The following PPP3CA variants were observed in gnomAD, a reference collection of about 807,000 sequenced individuals.
PPP3CA encodes protein phosphatase 3 catalytic subunit alpha, also known as CAM-PRP catalytic subunit.
A neutral mutation model predicts 66.5 loss-of-function variants in PPP3CA; 14 were observed. The observed-to-expected ratio is 0.21, with a 90% CI of 0.14 to 0.33. PPP3CA has a LOEUF of 0.33. PPP3CA is among the 10% of genes least tolerant of loss of function. The pLI, the probability that PPP3CA is intolerant of heterozygous loss-of-function variation, is 1.00. For missense variants in PPP3CA, 317 were observed against 639.5 expected, an observed-to-expected ratio of 0.50 and a Z score of 5.44; for synonymous variants, 232 against 226.2, an observed-to-expected ratio of 1.03 and a Z score of -0.23.
rs372538689 is a variant in PPP3CA, at chr4:101,032,435, G to GA, written c.1242-72dup. The GA allele has an allele frequency of 5.1e-4, 668 of 1,305,294 alleles. 4 individuals are homozygous for GA. In the African/African-American group the frequency reaches 7.4e-3, roughly 14 times the overall value. 80.9% of individuals were successfully genotyped at this position (1,305,294 alleles called of 1,614,324 possible). A position where few individuals can be genotyped will look rare whatever the true frequency, so the allele number is the denominator to read the frequency against. On this transcript the variant is annotated intron_variant, in intron 11 of 13. Coordinates refer to ENST00000394854, the MANE Select transcript of PPP3CA (RefSeq NM_000944.5). ...TGAAAAAGAAAGAAATGACTGAAAG[G>GA]AAAAAAAATGCATATAAGCACCCAC...
intron 1 of PPP3CA, among the ~76,000 whole-genome samples, chr4:101,209,277 A>G (rs1450859370): frequency 6.6e-6 from 1 of 152,192 alleles, no homozygotes; most frequent in Non-Finnish European, 1.5e-5. Flanking sequence ...GCCAAGTTAC[A>G]TTGCATTTTT....
At chr4:101,183,039 GA>G (rs1724293160) in intron 2 of PPP3CA, among the ~76,000 whole-genome samples, 1 of 152,052 alleles carries the variant, frequency 6.6e-6, no homozygotes, top group African/African-American at 2.4e-5. Context: ...TTAGCAGCAT[GA>G]AAACAAACTA....
intron 1 of PPP3CA, among the ~76,000 whole-genome samples, chr4:101,250,874 CAAAT>C (rs1166156426): frequency 6.6e-6 from 1 of 151,830 alleles, no homozygotes; most frequent in Admixed American, 6.6e-5. Flanking sequence ...ATTTTAAAGA[CAAAT>C]AAACGATCTC....
chr4:101,329,992 T>C (rs1360412255), intron 1 of PPP3CA, among the ~76,000 whole-genome samples: 2 of 152,174 alleles, frequency 1.3e-5, no homozygotes, highest in Non-Finnish European at 2.9e-5. Flanking sequence ...TTTCAAATTG[T>C]ACTATTTAAG....
At chr4:101,121,854 T>A (rs527385377) in intron 2 of PPP3CA, among the ~76,000 whole-genome samples, 1 of 152,230 alleles carries the variant, frequency 6.6e-6, no homozygotes, top group Admixed American at 6.5e-5. Context: ...AGATGGGGCC[T>A]CCAGCTAGTT....
At chr4:101,318,805 A>T (rs1728954971) in intron 1 of PPP3CA, among the ~76,000 whole-genome samples, 1 of 152,012 alleles carries the variant, frequency 6.6e-6, no homozygotes, top group East Asian at 1.9e-4. Flanking sequence ...TGAACATTAA[A>T]CTCGCTATCA....
chr4:101,305,426 C>A (rs919022067), intron 1 of PPP3CA, among the ~76,000 whole-genome samples: 1 of 152,118 alleles, frequency 6.6e-6, no homozygotes, highest in Non-Finnish European at 1.5e-5. Flanking sequence ...AATGTCTTTA[C>A]AGAATTGTAT....
intron 1 of PPP3CA, among the ~76,000 whole-genome samples, chr4:101,257,213 G>T (rs1247147559): frequency 6.6e-6 from 1 of 151,816 alleles, no homozygotes; most frequent in Admixed American, 6.6e-5. Flanking sequence ...GTGAAGGGGT[G>T]TTTAATAAGG....
intron 1 of PPP3CA, among the ~76,000 whole-genome samples, chr4:101,335,033 G>A (rs996253362): frequency 6.6e-6 from 1 of 152,046 alleles, no homozygotes; most frequent in Admixed American, 6.6e-5. Flanking sequence ...GAATGCAAGT[G>A]AAAGTAGCAT....
chr4:101,269,577 T>C (rs1727271848), intron 1 of PPP3CA, among the ~76,000 whole-genome samples: 1 of 150,362 alleles, frequency 6.7e-6, no homozygotes, highest in Admixed American at 6.7e-5. Flanking sequence ...TGTGTGTGTG[T>C]GTGTGTGTGT....
At chr4:101,224,894 C>A (rs995647254) in intron 1 of PPP3CA, among the ~76,000 whole-genome samples, 4 of 151,752 alleles carry the variant, frequency 2.6e-5, no homozygotes, top group African/African-American at 9.7e-5. Flanking sequence ...ATTCTATGAT[C>A]TTCCTCACTC....
chr4:101,033,275 GACACAC>G (rs144959971), intron 11 of PPP3CA, among the ~76,000 whole-genome samples: 18 of 126,918 alleles, frequency 1.4e-4, no homozygotes, highest in Middle Eastern at 4.2e-3. Context: ...CATACATAGA[GACACAC>G]ACACACACAC....
intron 6 of PPP3CA, among the ~76,000 whole-genome samples, chr4:101,092,122 TTA>T (rs1264931434): frequency 1.3e-5 from 2 of 151,890 alleles, no homozygotes; most frequent in African/African-American, 2.4e-5. Context: ...TTCTGAAGTG[TTA>T]TAAAATGTCA....
intron 8 of PPP3CA, among the ~76,000 whole-genome samples, chr4:101,073,423 C>T (rs551768747): frequency 1.3e-5 from 2 of 151,862 alleles, no homozygotes; most frequent in South Asian, 2.1e-4. Flanking sequence ...ACTACAGGTG[C>T]GGGCCACCAC....
intron 2 of PPP3CA, among the ~76,000 whole-genome samples, chr4:101,152,699 CA>C (rs1292208666): frequency 6.6e-6 from 1 of 152,130 alleles, no homozygotes; most frequent in African/African-American, 2.4e-5. Context: ...AGTCAATCTG[CA>C]AATATTTAAG....
intron 2 of PPP3CA, among the ~76,000 whole-genome samples, chr4:101,136,865 T>C (rs1161447330): frequency 6.6e-6 from 1 of 152,148 alleles, no homozygotes; most frequent in Non-Finnish European, 1.5e-5. Flanking sequence ...ATTTAGTTAC[T>C]TGAAGACATT....
chr4:101,267,270 C>G (rs959926058), intron 1 of PPP3CA, among the ~76,000 whole-genome samples: 1 of 152,152 alleles, frequency 6.6e-6, no homozygotes, highest in African/African-American at 2.4e-5. Context: ...GAATAAAATT[C>G]AATTTCCACA....
At chr4:101,041,822 C>T (rs368060033) in intron 10 of PPP3CA, among the ~76,000 whole-genome samples, 69 of 152,188 alleles carry the variant, frequency 4.5e-4, no homozygotes, top group African/African-American at 1.5e-3. Flanking sequence ...ACAAGCAGAT[C>T]GTCTAATTCT....
intron 1 of PPP3CA, among the ~76,000 whole-genome samples, chr4:101,296,381 G>A (rs1361308638): frequency 6.6e-6 from 1 of 152,042 alleles, no homozygotes; most frequent in African/African-American, 2.4e-5. Flanking sequence ...TTCATCTAGA[G>A]TCTACCACAG....
Sources: allele counts gnomAD v4.1 joint callset (sites outside exome capture counted in the v4.1 genomes callset), GRCh38; gene constraint gnomAD v4.1.1; transcripts MANE v1.5; gene names NCBI Gene and HGNC (gene_info 2026-07-23, HGNC 2026-07-21).